Variants in KIAA1328 observed in about 807,000 individuals in gnomAD.
KIAA1328 encodes KIAA1328, also known as protein hinderin.
Under a neutral mutation model 68.1 loss-of-function variants are expected in KIAA1328, and 52 were observed. That is an observed-to-expected ratio of 0.76 (90% CI 0.61 to 0.96). The LOEUF (loss-of-function observed/expected upper bound fraction) is 0.96. KIAA1328 is among the 40% of genes least tolerant of loss of function. The pLI, the probability that KIAA1328 is intolerant of heterozygous loss-of-function variation, is 0.00. For synonymous variants in KIAA1328, 232 were observed against 239.4 expected (o/e 0.97, Z 0.28); for missense variants, 641 against 677.6 (o/e 0.95, Z 0.60).
chr18:37,184,179 A>G (rs1015939433), intron 9 of KIAA1328, among the ~76,000 whole-genome samples: 1 of 152,164 alleles, frequency 6.6e-6, no homozygotes, highest in Non-Finnish European at 1.5e-5. Context: ...TCTTCACCAC[A>G]TCTCCAAAAA....
At chr18:37,118,244 C>G (rs1432084013) in intron 7 of KIAA1328, among the ~76,000 whole-genome samples, 3 of 152,110 alleles carry the variant, frequency 2.0e-5, no homozygotes, top group African/African-American at 7.2e-5. Context: ...ATCCACCCGC[C>G]TCAGCCTCCC....
intron 7 of KIAA1328, among the ~76,000 whole-genome samples, chr18:37,098,299 G>A (rs1001776461): frequency 3.9e-4 from 59 of 152,254 alleles, no homozygotes; most frequent in African/African-American, 1.3e-3. Context: ...GTTGAATTTT[G>A]TCAAAGGCCT....
At chr18:37,107,793 C>A (rs323335) in intron 7 of KIAA1328, among the ~76,000 whole-genome samples, 40,417 of 151,750 alleles carry the variant, frequency 0.27, 8,462 homozygotes, top group African/African-American at 0.59. Flanking sequence ...GTTATAGAAT[C>A]ATCATCAGTG....
At chr18:37,019,326 C>A (rs1225630979) in intron 6 of KIAA1328, among the ~76,000 whole-genome samples, 2 of 152,168 alleles carry the variant, frequency 1.3e-5, no homozygotes, top group Non-Finnish European at 2.9e-5. Flanking sequence ...GAGCTTGCTG[C>A]AGCCAATATG....
intron 7 of KIAA1328, among the ~76,000 whole-genome samples, chr18:37,149,844 T>A (rs989531146): frequency 6.6e-6 from 1 of 152,116 alleles, no homozygotes; most frequent in African/African-American, 2.4e-5. Flanking sequence ...TCTTTGAAAC[T>A]GTAAATAAAA....
At chr18:37,020,422 C>T (rs949435920) in intron 6 of KIAA1328, among the ~76,000 whole-genome samples, 2 of 152,156 alleles carry the variant, frequency 1.3e-5, no homozygotes, top group African/African-American at 2.4e-5. Context: ...CACGCCCAGC[C>T]GAAACGTAAG....
intron 7 of KIAA1328, among the ~76,000 whole-genome samples, chr18:37,143,019 AT>A: frequency 6.7e-6 from 1 of 149,238 alleles, no homozygotes; most frequent in East Asian, 2.0e-4. Context: ...AAGTGGCATG[AT>A]CTTGGCTTAC....
At chr18:37,138,974 T>TTGA (rs1491422842) in intron 7 of KIAA1328, among the ~76,000 whole-genome samples, 1 of 109,848 alleles carries the variant, frequency 9.1e-6, no homozygotes, top group African/African-American at 2.8e-5. Context: ...TTTTTTTTTT[T>TTGA]GAGACGAAGT....
chr18:36,888,946 G>C (rs1164653865), intron 5 of KIAA1328, among the ~76,000 whole-genome samples: 4 of 152,102 alleles, frequency 2.6e-5, no homozygotes, highest in Admixed American at 2.6e-4. Flanking sequence ...GCATTTTAAA[G>C]ATGTATTATA....
At chr18:36,980,427 G>A (rs770926120) in intron 6 of KIAA1328, among the ~76,000 whole-genome samples, 3 of 152,086 alleles carry the variant, frequency 2.0e-5, no homozygotes, top group Admixed American at 1.3e-4. Context: ...TTGGGGACAC[G>A]CAACAGCTCA....
chr18:37,112,469 A>G (rs1264708063), intron 7 of KIAA1328, among the ~76,000 whole-genome samples: 1 of 152,152 alleles, frequency 6.6e-6, no homozygotes, highest in Non-Finnish European at 1.5e-5. Flanking sequence ...TCTGACTGTT[A>G]GAAGGACATC....
At chr18:36,889,134 A>G (rs2048597235) in intron 5 of KIAA1328, among the ~76,000 whole-genome samples, 1 of 152,230 alleles carries the variant, frequency 6.6e-6, no homozygotes, top group African/African-American at 2.4e-5. Context: ...TTAAAACATA[A>G]AAAGTCTTAG....
chr18:36,834,118 A>G (rs757596847), intron 1 of KIAA1328: 8 of 827,386 alleles, frequency 9.7e-6, no homozygotes, highest in Middle Eastern at 4.1e-4. Context: ...GAGAATATTA[A>G]TTTTGCTACA....
intron 6 of KIAA1328, among the ~76,000 whole-genome samples, chr18:37,018,383 G>C (rs2054225746): frequency 1.3e-5 from 2 of 151,886 alleles, no homozygotes; most frequent in Non-Finnish European, 2.9e-5. Context: ...TTTTTCTCTA[G>C]CTGCCTTTAA....
At chr18:37,063,827 G>A (rs2056244085) in intron 6 of KIAA1328, among the ~76,000 whole-genome samples, 1 of 152,076 alleles carries the variant, frequency 6.6e-6, no homozygotes, top group Non-Finnish European at 1.5e-5. Flanking sequence ...ATGGACATAT[G>A]TAAATAATGT....
chr18:37,084,159 C>G lies in KIAA1328; in HGVS notation c.1232+16614C>G, dbSNP rs781162244. 1.5e-5 allele frequency: 23 copies of G among 1,518,364 alleles called. No homozygotes were observed. The African/African-American group carries it at 3.2e-4, about 21-fold the overall frequency. The allele number at this position is 1,518,364 out of a possible 1,614,324, so 94.1% of individuals were successfully genotyped here. A position where few individuals can be genotyped will look rare whatever the true frequency, so the allele number is the denominator to read the frequency against. ...TCAGGCTCTGTTTAAGTCGAGAGAA[C>G]TGGTTGCTGAAAAACAGCTTACTAA... is the stretch of plus-strand genomic sequence containing the variant. On this transcript the variant is annotated intron_variant, in intron 7 of 9. Transcript: ENST00000280020.
At chr18:37,055,070 A>G (rs2055856959) in intron 6 of KIAA1328, among the ~76,000 whole-genome samples, 1 of 152,162 alleles carries the variant, frequency 6.6e-6, no homozygotes, top group Non-Finnish European at 1.5e-5. Flanking sequence ...AACTAGAATA[A>G]GTTATGAGAG....
chr18:37,010,299 T>C (rs1393928944), intron 6 of KIAA1328, among the ~76,000 whole-genome samples: 1 of 151,656 alleles, frequency 6.6e-6, no homozygotes, highest in African/African-American at 2.4e-5. Context: ...AAAGATTACC[T>C]GGGTATGGTG....
intron 6 of KIAA1328, among the ~76,000 whole-genome samples, chr18:37,037,998 G>A (rs1183321937): frequency 3.3e-5 from 5 of 152,172 alleles, no homozygotes; most frequent in Non-Finnish European, 5.9e-5. Context: ...CTACTCGGGA[G>A]GCTGAGGCAG....
Sources: gnomAD v4.1 joint callset for allele counts (sites outside exome capture counted in the v4.1 genomes callset) on GRCh38, gnomAD v4.1.1 for gene constraint, MANE v1.5 for transcripts, NCBI Gene and HGNC (gene_info 2026-07-23, HGNC 2026-07-21) for gene names.